Variants in GPR158 observed in about 807,000 individuals in gnomAD.
GPR158 encodes metabotropic glycine receptor.
In GPR158, 30 loss-of-function variants were observed where a neutral mutation model predicts 78.2. The ratio of observed to expected loss-of-function variants is 0.38; its 90% CI spans 0.29 to 0.52. The LOEUF (loss-of-function observed/expected upper bound fraction) is 0.52. Among genes scored for constraint, GPR158 ranks in the 20% least tolerant of loss-of-function variants. The pLI is 0.83. For missense variants in GPR158, 1,463 were observed against 1,523.5 expected (o/e 0.96, Z 0.66); for synonymous variants, 581 against 591.1 (o/e 0.98, Z 0.25).
chr10:25,583,764 C>G (rs942215267), intron 7 of GPR158, among the ~76,000 whole-genome samples: 1 of 152,030 alleles, frequency 6.6e-6, no homozygotes, highest in Admixed American at 6.6e-5. Context: ...AACGTTTTAT[C>G]ATTTATATAC....
intron 2 of GPR158, among the ~76,000 whole-genome samples, chr10:25,229,605 T>C (rs138592478): frequency 2.4e-3 from 364 of 152,310 alleles, no homozygotes; most frequent in African/African-American, 8.4e-3. Context: ...ATCATACAAA[T>C]AGTATTTGGT....
chr10:25,367,339 T>G (rs1197906972), intron 2 of GPR158, among the ~76,000 whole-genome samples: 1 of 151,732 alleles, frequency 6.6e-6, no homozygotes, highest in South Asian at 2.1e-4. Flanking sequence ...TGAATCATTG[T>G]GCAATTTTTC....
intron 2 of GPR158, among the ~76,000 whole-genome samples, chr10:25,394,980 A>G (rs568988975): frequency 6.6e-6 from 1 of 152,174 alleles, no homozygotes; most frequent in Non-Finnish European, 1.5e-5. Context: ...GTAAAAAGGC[A>G]ATGTGTTGGA....
intron 1 of GPR158, among the ~76,000 whole-genome samples, chr10:25,208,169 G>A (rs1357920699): frequency 6.6e-6 from 1 of 152,028 alleles, no homozygotes; most frequent in Non-Finnish European, 1.5e-5. Flanking sequence ...TATTGGTCAG[G>A]GTTGGTAACC....
rs1429504834 is a variant in GPR158, at chr10:25,598,169, C to A, written c.2543C>A (p.Thr848Lys). 6.2e-7 allele frequency: 1 copy of A among 1,614,146 alleles called. No homozygotes were observed. Residue 848 changes from threonine to lysine, a missense_variant, in exon 11 of 11, where the codon ACA becomes AAA. Physicochemically the swap from Thr to Lys is moderately conservative, Grantham distance 78. Transcript: ENST00000376351. ...SQEEETTENS[T>K]LESLSGKKLT... ...GAGGAGGAGACAACAGAAAATTCCA[C>A]ACTGGAATCCCTGTCGGGTAAAAAA...
chr10:25,221,112 T>A lies in GPR158; in HGVS notation c.963T>A (p.Asp321Glu), dbSNP rs1000622896. The A allele has an allele frequency of 6.2e-7, 1 of 1,605,084 alleles. No individual in the cohort carries two copies. Among genetic ancestry groups the A allele is most frequent in the Admixed American group, 1.7e-5 (1 of 59,730 alleles). The change falls in exon 2 of 11, where the codon GAT becomes GAA. Residue 321 changes from aspartate (D) to glutamate (E), a missense_variant. Physicochemically the swap from Asp to Glu is conservative, Grantham distance 45. Coordinates refer to ENST00000376351, the MANE Select transcript of GPR158 (RefSeq NM_020752.3). ...QKVDIDQCSSDGWFSGTHKCH... is the reference protein window; with the variant it reads ...QKVDIDQCSSEGWFSGTHKCH... ...TGGACATTGACCAATGCTCAAGTGA[T>A]GGCTGGTTTTCAGGAACTCATAAAT...
intron 4 of GPR158, among the ~76,000 whole-genome samples, chr10:25,450,351 G>A (rs1835198046): frequency 1.3e-5 from 2 of 148,836 alleles, no homozygotes; most frequent in Admixed American, 1.3e-4. Context: ...CATCTTCAGG[G>A]ATTCATGCCT....
At chr10:25,294,827 A>G (rs1231085637) in intron 2 of GPR158, among the ~76,000 whole-genome samples, 1 of 152,214 alleles carries the variant, frequency 6.6e-6, no homozygotes, top group African/African-American at 2.4e-5. Context: ...AGACTGGGGC[A>G]AGACACTGAT....
intron 7 of GPR158, among the ~76,000 whole-genome samples, chr10:25,585,321 T>A: frequency 6.6e-6 from 1 of 152,190 alleles, no homozygotes; most frequent in East Asian, 1.9e-4. Flanking sequence ...ATCTACATTG[T>A]CCCAGTACTG....
intron 4 of GPR158, among the ~76,000 whole-genome samples, chr10:25,428,830 C>G (rs1184292157): frequency 1.3e-5 from 2 of 151,988 alleles, no homozygotes; most frequent in African/African-American, 2.4e-5. Context: ...ATTTGCATAA[C>G]AGTTTATTTT....
At chr10:25,419,895 C>G (rs1232427694) in intron 4 of GPR158, among the ~76,000 whole-genome samples, 4 of 152,128 alleles carry the variant, frequency 2.6e-5, no homozygotes, top group Non-Finnish European at 5.9e-5. Context: ...CATTCTGTGA[C>G]TTTGGACAAA....
chr10:25,444,979 G>A (rs189155951), intron 4 of GPR158, among the ~76,000 whole-genome samples: 2 of 152,110 alleles, frequency 1.3e-5, no homozygotes, highest in African/African-American at 2.4e-5. Context: ...AGTTATATGA[G>A]GACTTAGTAT....
chr10:25,281,577 C>G (rs973114766), intron 2 of GPR158, among the ~76,000 whole-genome samples: 3 of 150,690 alleles, frequency 2.0e-5, no homozygotes, highest in South Asian at 2.1e-4. Context: ...GACTCTGTCT[C>G]AAAACAACAA....
intron 2 of GPR158, among the ~76,000 whole-genome samples, chr10:25,246,825 G>A (rs756545004): frequency 7.9e-5 from 12 of 152,200 alleles, no homozygotes; most frequent in Non-Finnish European, 1.5e-4. Flanking sequence ...GCACTAACAA[G>A]CATGAGATCC....
rs560133733 is a variant in GPR158, at chr10:25,529,173, G to A, written c.1405-21803G>A. Among the ~76,000 whole-genome samples the A allele has an allele frequency of 3.9e-5, 6 of 152,260 alleles. No homozygotes were observed. In the South Asian group the frequency reaches 1.2e-3, roughly 32 times the overall value. ...GGAGGCTGAGGCAGGCGGATCACGA[G>A]GTCAGGAGATCCAGACCGTCCTGCT... On this transcript the variant is annotated intron_variant, in intron 5 of 10. Coordinates refer to ENST00000376351, the MANE Select transcript of GPR158 (RefSeq NM_020752.3).
chr10:25,380,959 T>C (rs916024847), intron 2 of GPR158, among the ~76,000 whole-genome samples: 2 of 152,208 alleles, frequency 1.3e-5, no homozygotes, highest in African/African-American at 2.4e-5. Context: ...TTAGCAAGTA[T>C]GCAGATAACC....
chr10:25,303,347 T>G (rs1378678502), intron 2 of GPR158, among the ~76,000 whole-genome samples: 1 of 152,226 alleles, frequency 6.6e-6, no homozygotes, highest in Non-Finnish European at 1.5e-5. Flanking sequence ...AAAGCTCTAT[T>G]GGACGTCACT....
chr10:25,318,499 TAC>T (rs774477482), intron 2 of GPR158, among the ~76,000 whole-genome samples: 3 of 152,158 alleles, frequency 2.0e-5, no homozygotes, highest in Non-Finnish European at 4.4e-5. Context: ...CTTTCTTCCG[TAC>T]AGTTTTTGTG....
chr10:25,314,225 C>T (rs1038587921), intron 2 of GPR158, among the ~76,000 whole-genome samples: 1 of 152,022 alleles, frequency 6.6e-6, no homozygotes, highest in Non-Finnish European at 1.5e-5. Flanking sequence ...CTCAGCCTCC[C>T]GAGTAGCTGG....
Sources: allele counts gnomAD v4.1 joint callset (sites outside exome capture counted in the v4.1 genomes callset), GRCh38; gene constraint gnomAD v4.1.1; transcripts MANE v1.5; gene names NCBI Gene and HGNC (gene_info 2026-07-23, HGNC 2026-07-21).